The following CNBD1 variants were observed in gnomAD, a reference collection of about 807,000 sequenced individuals.
CNBD1 encodes the protein cyclic nucleotide binding domain containing 1.
In CNBD1, 71 loss-of-function variants were observed where a neutral mutation model predicts 54.4. That is an observed-to-expected ratio of 1.30 (90% CI 1.08 to 1.59). The LOEUF is 1.59. Among genes scored for constraint, CNBD1 ranks in the 40% most tolerant of loss-of-function variants. The pLI is 0.00. For synonymous variants in CNBD1, 182 were observed against 170.7 expected (o/e 1.07, Z -0.51); for missense variants, 659 against 518.0 (o/e 1.27, Z -2.64).
chr8:87,032,920 C>A lies in CNBD1; in HGVS notation c.431+93166C>A, dbSNP rs36107073. 5.7e-3 allele frequency among the ~76,000 whole-genome samples: 862 copies of A among 152,290 alleles called. 4 individuals carry two copies. Among genetic ancestry groups the A allele is most frequent in the Non-Finnish European group, 9.6e-3 (651 of 68,030 alleles). ...TCTGTTAATTCTTCTGGTGTGGTGT[C>A]TACTAGCTCTTGATTTTCGTCAAGA... On this transcript the variant is annotated intron_variant, in intron 4 of 10. Coordinates refer to ENST00000518476, the MANE Select transcript of CNBD1 (RefSeq NM_173538.3).
At chr8:86,869,791 C>T (rs1808415865) in intron 1 of CNBD1, among the ~76,000 whole-genome samples, 1 of 151,720 alleles carries the variant, frequency 6.6e-6, no homozygotes, top group Non-Finnish European at 1.5e-5. Context: ...ACACATGACC[C>T]ATTATTTTTA....
At chr8:87,174,680 G>C (rs1470129534) in intron 4 of CNBD1, among the ~76,000 whole-genome samples, 1 of 152,114 alleles carries the variant, frequency 6.6e-6, no homozygotes, top group Non-Finnish European at 1.5e-5. Flanking sequence ...ATTTATTGTA[G>C]TCTTTGCAAT....
rs1808767306 is a variant in CNBD1, at chr8:86,891,435, A to C, written c.158+3824A>C. Among the ~76,000 whole-genome samples, 2 of 152,010 alleles carry C rather than the reference A, an allele frequency of 1.3e-5. 1 individual carries two copies. The highest frequency in any genetic ancestry group is 4.1e-4 in the South Asian group (2 of 4,824). On this transcript the variant is annotated intron_variant, in intron 2 of 10. Transcript: ENST00000518476. ...ATTTCTGGGTTTTCTATCCTGTTCC[A>C]TTGATCAGTATGTCTGTTTTTATAC...
At chr8:87,395,221 A>G (rs1414614464) in intron 2 of CNBD1, among the ~76,000 whole-genome samples, 3 of 151,894 alleles carry the variant, frequency 2.0e-5, no homozygotes, top group Admixed American at 6.6e-5. Flanking sequence ...TTAAAGTTGC[A>G]AAAACAAGTA....
intron 10 of CNBD1, among the ~76,000 whole-genome samples, chr8:87,372,461 G>A (rs78192831): frequency 6.6e-6 from 1 of 151,736 alleles, no homozygotes; most frequent in Non-Finnish European, 1.5e-5. Context: ...TATAATGTTT[G>A]TTCCCACTCC....
rs1586171174 is a variant in CNBD1, at chr8:86,969,947, C to G, written c.431+30193C>G. Among the ~76,000 whole-genome samples, 9 of 151,576 alleles carry G rather than the reference C, an allele frequency of 5.9e-5. No individual in the cohort carries two copies. The South Asian group carries it at 1.9e-3, about 31-fold the overall frequency. On this transcript the variant is annotated intron_variant, in intron 4 of 10. Transcript: ENST00000518476. ...ACTTGCATTTCTTTTCATTTTTTTT[C>G]TGCCTGAAATATATTAATATTTTCA...
chr8:87,022,076 T>G (rs1039396747), intron 4 of CNBD1, among the ~76,000 whole-genome samples: 6 of 152,188 alleles, frequency 3.9e-5, no homozygotes, highest in Non-Finnish European at 7.3e-5. Context: ...TCTCATGGAA[T>G]GTCTTGGGTG....
intron 4 of CNBD1, among the ~76,000 whole-genome samples, chr8:87,171,313 G>A (rs1375847965): frequency 6.6e-6 from 1 of 151,840 alleles, no homozygotes; most frequent in Non-Finnish European, 1.5e-5. Context: ...GTGGCATATA[G>A]TTCCTCAGAG....
At chr8:86,922,008 G>C (rs962483278) in intron 3 of CNBD1, among the ~76,000 whole-genome samples, 5 of 152,076 alleles carry the variant, frequency 3.3e-5, no homozygotes, top group Non-Finnish European at 7.4e-5. Flanking sequence ...ATTGAGGGCA[G>C]ATGGTGTACT....
At chr8:86,923,874 A>G (rs1433047473) in intron 3 of CNBD1, among the ~76,000 whole-genome samples, 1 of 152,156 alleles carries the variant, frequency 6.6e-6, no homozygotes, top group East Asian at 1.9e-4. Flanking sequence ...GGAACTGCTG[A>G]AAGGGAGAGC....
At chr8:87,309,497 G>T (rs1809221239) in intron 8 of CNBD1, among the ~76,000 whole-genome samples, 1 of 152,042 alleles carries the variant, frequency 6.6e-6, no homozygotes, top group Non-Finnish European at 1.5e-5. Context: ...ATTTATAACT[G>T]CCTTCATATG....
At chr8:87,204,863 T>C (rs1224044582) in intron 4 of CNBD1, among the ~76,000 whole-genome samples, 2 of 152,210 alleles carry the variant, frequency 1.3e-5, no homozygotes, top group Non-Finnish European at 2.9e-5. Flanking sequence ...TTATTTCTTA[T>C]TGCATCTGAA....
intron 4 of CNBD1, among the ~76,000 whole-genome samples, chr8:87,042,918 TTATGTACA>T (rs1197379173): frequency 6.6e-6 from 1 of 152,108 alleles, no homozygotes; most frequent in African/African-American, 2.4e-5. Context: ...ATAAATACAC[TTATGTACA>T]TATGTGCATA....
chr8:87,379,189 A>G (rs548757407), intron 10 of CNBD1, among the ~76,000 whole-genome samples: 7 of 152,096 alleles, frequency 4.6e-5, no homozygotes, highest in East Asian at 1.9e-4. Context: ...TTCCAACACT[A>G]TGTTGAATAG....
At chr8:87,323,299 G>A (rs1176888562) in intron 8 of CNBD1, among the ~76,000 whole-genome samples, 1 of 115,986 alleles carries the variant, frequency 8.6e-6, no homozygotes, top group Non-Finnish European at 1.8e-5. Flanking sequence ...CTCTTTTTTG[G>A]TTCCATATGA....
rs567102159 is a variant in CNBD1, at chr8:87,367,331, A to G, written c.1303+13545A>G. ...TGTGGCTTTTAAATTCTCAGAACGT[A>G]TATAAAGCTCTCCAGGTGGGCTTTT... On this transcript the variant is annotated intron_variant, in intron 10 of 10. Transcript: ENST00000518476. Among the ~76,000 whole-genome samples the G allele has an allele frequency of 6.6e-5, 10 of 152,214 alleles. No homozygotes were observed. In the South Asian group the frequency reaches 1.7e-3, roughly 25 times the overall value.
intron 5 of CNBD1, among the ~76,000 whole-genome samples, chr8:87,223,510 C>T (rs529269236): frequency 4.0e-4 from 61 of 150,662 alleles, no homozygotes; most frequent in Admixed American, 3.2e-3. Context: ...TTTGTTCTTG[C>T]GATAGTTTAC....
intron 8 of CNBD1, among the ~76,000 whole-genome samples, chr8:87,330,964 T>C (rs1300116427): frequency 2.0e-5 from 3 of 152,254 alleles, no homozygotes; most frequent in Non-Finnish European, 2.9e-5. Context: ...GTCTGTCTTT[T>C]AATTGGTGCA....
intron 2 of CNBD1, among the ~76,000 whole-genome samples, chr8:86,895,769 T>C (rs943475566): frequency 6.6e-6 from 1 of 152,202 alleles, no homozygotes; most frequent in Non-Finnish European, 1.5e-5. Context: ...GTTCAGATTC[T>C]GTCTGTTTTA....
Sources: allele counts gnomAD v4.1 joint callset (sites outside exome capture counted in the v4.1 genomes callset), GRCh38; gene constraint gnomAD v4.1.1; transcripts MANE v1.5; gene names NCBI Gene and HGNC (gene_info 2026-07-23, HGNC 2026-07-21).